Variants in MCUB observed in about 807,000 individuals in gnomAD.
The protein encoded by MCUB is calcium uniporter regulatory subunit MCUb, mitochondrial.
In MCUB, 46 loss-of-function variants were observed where a neutral mutation model predicts 41.4. That is an observed-to-expected ratio of 1.11 (90% CI 0.88 to 1.42). MCUB has a LOEUF of 1.42. Ranked by LOEUF, MCUB falls within the 40% of genes most tolerant of loss-of-function variation. MCUB has a pLI of 0.00. For synonymous variants in MCUB, 148 were observed against 148.2 expected, an observed-to-expected ratio of 1.00 and a Z score of 0.01; for missense variants, 403 against 404.9, an observed-to-expected ratio of 1.00 and a Z score of 0.04.
intron 1 of MCUB, among the ~76,000 whole-genome samples, chr4:109,639,885 C>A (rs181033851): frequency 6.6e-6 from 1 of 152,178 alleles, no homozygotes; most frequent in African/African-American, 2.4e-5. Flanking sequence ...TCAGCCCCAA[C>A]ACAGCGTTAT....
chr4:109,592,176 G>A lies in MCUB; in HGVS notation c.99+31740G>A, dbSNP rs113263736. Among the ~76,000 whole-genome samples the A allele has an allele frequency of 1.5e-3, 223 of 152,006 alleles. 1 individual carries two copies. The highest frequency in any genetic ancestry group is 5.1e-3 in the African/African-American group (210 of 41,476). On this transcript the variant is annotated intron_variant, in intron 1 of 7. Coordinates refer to ENST00000394650, the MANE Select transcript of MCUB (RefSeq NM_017918.5). Reference sequence around the variant, plus strand: ...AATCCCAGCACTTTGAAAGGAGGCCGAGGTGGGTGGATCACTTGAAGTCAG... The same window carrying A: ...AATCCCAGCACTTTGAAAGGAGGCCAAGGTGGGTGGATCACTTGAAGTCAG...
At chr4:109,591,991 C>T (rs1039285539) in intron 1 of MCUB, among the ~76,000 whole-genome samples, 9 of 152,270 alleles carry the variant, frequency 5.9e-5, no homozygotes, top group South Asian at 2.1e-4. Context: ...TGAGCCACGA[C>T]GCCCAGCCTC....
In MCUB at chr4:109,641,270, T is replaced by A. The variant is rs1249110477; in HGVS notation, c.100-17741T>A. The stretch of plus-strand genomic sequence containing the variant: ...ATAACACCCGGCTACTTTTTGTATT[T>A]TTTTTTTTTTTTTTTAGTAGAGACG... On this transcript the variant is annotated intron_variant, in intron 1 of 7. Transcript: ENST00000394650. Among the ~76,000 whole-genome samples the A allele has an allele frequency of 3.9e-4, 53 of 137,216 alleles. No homozygotes were observed. The South Asian group carries it at 0.013, about 33-fold the overall frequency. 90.0% of individuals were successfully genotyped at this position (137,216 alleles called of 152,430 possible).
chr4:109,682,764 G>A (rs753308072), intron 5 of MCUB, 22 bp downstream of exon 5: 1 of 1,585,556 alleles, frequency 6.3e-7, no homozygotes, highest in Non-Finnish European at 8.6e-7. Flanking sequence ...TCACGGTTGA[G>A]TATATTTGAA....
chr4:109,573,980 C>A (rs1167544576), intron 1 of MCUB, among the ~76,000 whole-genome samples: 6 of 144,840 alleles, frequency 4.1e-5, no homozygotes, highest in African/African-American at 1.6e-4. Context: ...TCAAGCTATT[C>A]TCCTGCCTCA....
intron 1 of MCUB, among the ~76,000 whole-genome samples, chr4:109,571,485 G>A (rs1192825918): frequency 6.6e-6 from 1 of 152,176 alleles, no homozygotes; most frequent in East Asian, 1.9e-4. Context: ...GCTAATTTTT[G>A]TATTTTTAGT....
intron 1 of MCUB, among the ~76,000 whole-genome samples, chr4:109,647,555 C>T (rs9990765): frequency 0.71 from 108,051 of 152,092 alleles, 39,169 homozygotes; most frequent in African/African-American, 0.86. Context: ...ATTATTTAGA[C>T]GTACCATTGT....
intron 1 of MCUB, among the ~76,000 whole-genome samples, chr4:109,567,628 C>T (rs575759103): frequency 8.9e-5 from 11 of 124,004 alleles, no homozygotes; most frequent in South Asian, 2.7e-4. Context: ...TTGACCAAGA[C>T]GGTCTCGATC....
At chr4:109,592,509 CCAA>C (rs1314846040) in intron 1 of MCUB, among the ~76,000 whole-genome samples, 1 of 151,994 alleles carries the variant, frequency 6.6e-6, no homozygotes, top group Non-Finnish European at 1.5e-5. Context: ...ATGTTTGAAA[CCAA>C]CAACTCCAGT....
At position 109,596,961 on chromosome 4, in the gene MCUB, C is replaced by A. The variant is rs920223035; in HGVS notation, c.99+36525C>A. Among the ~76,000 whole-genome samples, 15 of 151,986 alleles carry A rather than the reference C, an allele frequency of 9.9e-5. 1 individual carries two copies. Among genetic ancestry groups the A allele is most frequent in the African/African-American group, 2.7e-4 (11 of 41,318 alleles). ...TAACAAGCATGCTGCCTTCAAGCGT[C>A]TGTTTAACAAAGCACATCTTGCACC... On this transcript the variant is annotated intron_variant, in intron 1 of 7. Transcript: ENST00000394650.
At chr4:109,603,625 CCCGG>C (rs1191966146) in intron 1 of MCUB, among the ~76,000 whole-genome samples, 1 of 151,720 alleles carries the variant, frequency 6.6e-6, no homozygotes. Flanking sequence ...AGCGCCTCTG[CCCGG>C]CCACCACCCC....
At position 109,592,271 on chromosome 4, in the gene MCUB, A is replaced by G. The variant is rs933613036; in HGVS notation, c.99+31835A>G. On this transcript the variant is annotated intron_variant, in intron 1 of 7. Coordinates refer to ENST00000394650, the MANE Select transcript of MCUB (RefSeq NM_017918.5). Reference sequence around the variant, plus strand: ...CTAAAAATACAAAAATTAGCCGGGTATGGTGGCGTGTACCTGCAATCCCAG... The same window carrying G: ...CTAAAAATACAAAAATTAGCCGGGTGTGGTGGCGTGTACCTGCAATCCCAG... 4.0e-5 allele frequency among the ~76,000 whole-genome samples: 6 copies of G among 151,678 alleles called. No individual in the cohort carries two copies. In the South Asian group the frequency reaches 8.4e-4, roughly 21 times the overall value.
At chr4:109,641,498 C>G (rs1728715502) in intron 1 of MCUB, among the ~76,000 whole-genome samples, 1 of 152,104 alleles carries the variant, frequency 6.6e-6, no homozygotes, top group Non-Finnish European at 1.5e-5. Flanking sequence ...TCAAAGATCA[C>G]AGATCACCAT....
intron 1 of MCUB, among the ~76,000 whole-genome samples, chr4:109,649,799 C>T (rs181165968): frequency 1.6e-3 from 240 of 152,018 alleles, no homozygotes; most frequent in African/African-American, 5.6e-3. Flanking sequence ...GTCTTGAACC[C>T]CTGGGCTCAA....
intron 1 of MCUB, among the ~76,000 whole-genome samples, chr4:109,646,747 C>G (rs1224136797): frequency 2.6e-5 from 4 of 152,158 alleles, no homozygotes; most frequent in East Asian, 1.9e-4. Context: ...TAGAACATGA[C>G]AAGTTTCTTA....
At chr4:109,568,909 C>T (rs891736552) in intron 1 of MCUB, among the ~76,000 whole-genome samples, 2 of 152,146 alleles carry the variant, frequency 1.3e-5, no homozygotes, top group East Asian at 1.9e-4. Context: ...GTTTTATCTT[C>T]GCAATTTCCT....
At chr4:109,579,522 A>C (rs1173754220) in intron 1 of MCUB, among the ~76,000 whole-genome samples, 1 of 152,230 alleles carries the variant, frequency 6.6e-6, no homozygotes, top group Non-Finnish European at 1.5e-5. Flanking sequence ...TGTAAACCTC[A>C]CATTTAAAGC....
intron 1 of MCUB, among the ~76,000 whole-genome samples, chr4:109,602,239 AT>A (rs927722487): frequency 6.6e-6 from 1 of 151,964 alleles, no homozygotes; most frequent in African/African-American, 2.4e-5. Flanking sequence ...CCATTTGTCC[AT>A]TTTTGCTTTG....
chr4:109,584,346 C>T (rs944150585), intron 1 of MCUB, among the ~76,000 whole-genome samples: 1 of 152,082 alleles, frequency 6.6e-6, no homozygotes, highest in African/African-American at 2.4e-5. Context: ...CTCTCTTCTT[C>T]TTTATTAGTC....
Sources: gnomAD v4.1 joint callset for allele counts (sites outside exome capture counted in the v4.1 genomes callset) on GRCh38, gnomAD v4.1.1 for gene constraint, MANE v1.5 for transcripts, NCBI Gene and HGNC (gene_info 2026-07-23, HGNC 2026-07-21) for gene names.